The following NUP160 variants were observed in gnomAD, a reference collection of about 807,000 sequenced individuals.
NUP160 encodes the protein nuclear pore complex protein Nup160.
A neutral mutation model predicts 196.9 loss-of-function variants in NUP160; 94 were observed. The ratio of observed to expected loss-of-function variants is 0.48; its 90% CI spans 0.40 to 0.57. The LOEUF (loss-of-function observed/expected upper bound fraction) is 0.57. NUP160 is among the 20% of genes least tolerant of loss of function. The pLI is 0.00. For synonymous variants in NUP160, 605 were observed against 619.7 expected, an observed-to-expected ratio of 0.98 and a Z score of 0.35; for missense variants, 1,638 against 1,748.3, an observed-to-expected ratio of 0.94 and a Z score of 1.13.
chr11:47,820,198 T>G (rs780027092), intron 9 of NUP160: 3 of 152,176 alleles, frequency 2.0e-5, no homozygotes, highest in Non-Finnish European at 4.4e-5. Context: ...ATGGTTTGTT[T>G]TTTATTTTTG....
chr11:47,784,790 T>A (rs560237888), intron 33 of NUP160, 132 bp downstream of exon 33: 153 of 593,016 alleles, frequency 2.6e-4, no homozygotes, highest in Non-Finnish European at 3.7e-4. Flanking sequence ...CATCCTCCCC[T>A]GTTGGCCTAC....
At chr11:47,784,930 T>C (rs1469076011) in exon 33 of NUP160, 2 of 1,592,058 alleles carry the variant, frequency 1.3e-6, no homozygotes, top group Non-Finnish European at 8.5e-7. Context: ...ACCTTGTAAC[T>C]GTTTATAAGC....
intron 7 of NUP160, among the ~76,000 whole-genome samples, chr11:47,835,004 A>C (rs1852146631): frequency 6.6e-6 from 1 of 152,078 alleles, no homozygotes; most frequent in South Asian, 2.1e-4. Context: ...TGAGATCCCA[A>C]CAGAAGTGAG....
chr11:47,809,715 G>A, intron 17 of NUP160, among the ~76,000 whole-genome samples: 1 of 128,698 alleles, frequency 7.8e-6, no homozygotes. Flanking sequence ...CTCCAGCCTG[G>A]GCTACAGAGC....
intron 2 of NUP160, among the ~76,000 whole-genome samples, chr11:47,846,294 G>T (rs564422581): frequency 4.7e-4 from 71 of 152,230 alleles, no homozygotes; most frequent in Non-Finnish European, 1.0e-3. Flanking sequence ...TTAATTAAAT[G>T]AAATTTGTAT....
chr11:47,812,979 C>T, exon 15 of NUP160: 3 of 1,613,046 alleles, frequency 1.9e-6, no homozygotes, highest in South Asian at 1.1e-5. Context: ...GACATATCCA[C>T]AGTTACTGAC....
At chr11:47,809,643 G>A (rs2135372309) in intron 17 of NUP160, among the ~76,000 whole-genome samples, 1 of 150,038 alleles carries the variant, frequency 6.7e-6, no homozygotes, top group South Asian at 2.1e-4. Context: ...AGCTACCTGG[G>A]AGGCTGAGAT....
rs1239431795 is a variant in NUP160, at chr11:47,782,289, T to A, written c.4116+784A>T. 6.3e-5 allele frequency among the ~76,000 whole-genome samples: 2 copies of A among 31,874 alleles called. 1 individual carries two copies. The highest frequency in any genetic ancestry group is 9.3e-4 in the African/African-American group (2 of 2,162). 20.9% of individuals were successfully genotyped at this position (31,874 alleles called of 152,430 possible). ...CTTGGGCAACAGAGCAAAACTCAGT[T>A]AAAAAAAAAAAAAAATATATATATA... On this transcript the variant is annotated intron_variant, in intron 34 of 35. Transcript: ENST00000378460.
chr11:47,808,313 TA>T, intron 18 of NUP160, 82 bp downstream of exon 18: 1 of 1,351,474 alleles, frequency 7.4e-7, no homozygotes, highest in Middle Eastern at 2.5e-4. Flanking sequence ...AACAAAACAC[TA>T]AAACTTTTTC....
chr11:47,848,349 A>G (rs762781612), exon 1 of NUP160: 10 of 1,613,070 alleles, frequency 6.2e-6, no homozygotes, highest in Non-Finnish European at 8.5e-6. Flanking sequence ...GCCCAACGGA[A>G]CAAAGGCAGG....
intron 7 of NUP160, 88 bp from the exon 8 acceptor site, chr11:47,822,252 T>A (rs1244502491): frequency 2.5e-5 from 23 of 903,864 alleles, no homozygotes; most frequent in East Asian, 8.3e-5. Context: ...CAGAAACCTT[T>A]AAAAAAAAAT....
intron 5 of NUP160, 111 bp downstream of exon 5, chr11:47,837,434 C>T: frequency 1.2e-6 from 1 of 820,532 alleles, no homozygotes; most frequent in Non-Finnish European, 2.0e-6. Context: ...TGACTGTTCT[C>T]CTTTCCAGTA....
chr11:47,836,840 T>C (rs376566336), intron 6 of NUP160, 47 bp downstream of exon 6: 47 of 1,165,068 alleles, frequency 4.0e-5, no homozygotes, highest in South Asian at 7.7e-5. Flanking sequence ...ATTCTCATGA[T>C]TCACAATCCT....
At chr11:47,831,741 G>A (rs1852076926) in intron 7 of NUP160, among the ~76,000 whole-genome samples, 1 of 149,584 alleles carries the variant, frequency 6.7e-6, no homozygotes, top group African/African-American at 2.5e-5. Flanking sequence ...AACTTGGGAA[G>A]CTGAGGCAGG....
intron 27 of NUP160, chr11:47,796,184 C>T (rs543692287): frequency 7.2e-5 from 24 of 334,418 alleles, no homozygotes; most frequent in African/African-American, 3.3e-4. Flanking sequence ...GGAGCAGCTG[C>T]GGAAGCCCAG....
intron 32 of NUP160, 118 bp downstream of exon 32, chr11:47,786,335 A>G: frequency 1.7e-6 from 1 of 576,568 alleles, no homozygotes; most frequent in Admixed American, 3.2e-5. Flanking sequence ...CCCTATAAAA[A>G]CTTAGCCAAA....
At chr11:47,787,365 G>A (rs1237072568) in intron 31 of NUP160, among the ~76,000 whole-genome samples, 1 of 151,904 alleles carries the variant, frequency 6.6e-6, no homozygotes, top group Non-Finnish European at 1.5e-5. Flanking sequence ...TGGCATTACA[G>A]GCGTAAGCCA....
rs750703744 is a variant in NUP160 at position 47,848,261 on chromosome 11, C to A, written c.160G>T (p.Glu54Ter). 1.2e-6 allele frequency: 2 copies of A among 1,614,078 alleles called. No homozygotes were observed. The highest frequency in any genetic ancestry group is 1.7e-6 in the Non-Finnish European group (2 of 1,180,034). ...AATTCCCGAAAGTGCCTCGGCCTTTCGCGCTCAGCTCCGCTTAGCTCCACG... is the reference window on the plus strand; with the variant it reads ...AATTCCCGAAAGTGCCTCGGCCTTTAGCGCTCAGCTCCGCTTAGCTCCACG... The change falls in exon 1 of 36, where the codon GAA becomes TAA. Residue 54 changes from glutamate (E) to a stop codon, truncating the protein, a stop_gained. Transcript: ENST00000378460. LOFTEE classifies it high-confidence loss of function.
chr11:47,848,018 G>A, intron 1 of NUP160, 59 bp from the exon 2 acceptor site: 2 of 1,412,230 alleles, frequency 1.4e-6, no homozygotes, highest in Admixed American at 1.7e-5. Context: ...CAGGGACTAA[G>A]GGAGCTGACA....
Sources: gnomAD v4.1 joint callset for allele counts (sites outside exome capture counted in the v4.1 genomes callset) on GRCh38, gnomAD v4.1.1 for gene constraint, MANE v1.5 for transcripts, NCBI Gene and HGNC (gene_info 2026-07-23, HGNC 2026-07-21) for gene names.